The following CHL1 variants were observed in gnomAD, a reference collection of about 807,000 sequenced individuals.
The protein encoded by CHL1 is cell adhesion molecule L1 like, also known as neural cell adhesion molecule L1-like protein.
A neutral mutation model predicts 141.9 loss-of-function variants in CHL1; 96 were observed. The ratio of observed to expected loss-of-function variants is 0.68; its 90% CI spans 0.57 to 0.80. The LOEUF (loss-of-function observed/expected upper bound fraction) is 0.80, where lower values mean the gene tolerates loss of function less well. Among genes scored for constraint, CHL1 ranks in the 30% least tolerant of loss-of-function variants. The probability of loss-of-function intolerance (pLI) is 0.00; values close to 1 mark genes in which losing one functional copy is unlikely to be tolerated. For missense variants in CHL1, 1,820 were observed against 1,457.2 expected, an observed-to-expected ratio of 1.25 and a Z score of -4.05; for synonymous variants, 613 against 502.2, an observed-to-expected ratio of 1.22 and a Z score of -2.95.
intron 2 of CHL1, among the ~76,000 whole-genome samples, chr3:265,602 T>C (rs1695083392): frequency 6.6e-6 from 1 of 152,232 alleles, no homozygotes; most frequent in Admixed American, 6.5e-5. Context: ...AGAGAAGGGG[T>C]AGGACTGCAC....
At chr3:304,670 G>A (rs1171873364) in intron 2 of CHL1, among the ~76,000 whole-genome samples, 2 of 152,014 alleles carry the variant, frequency 1.3e-5, no homozygotes, top group Non-Finnish European at 2.9e-5. Flanking sequence ...TAACTATTTT[G>A]TTGAGTTTTT....
chr3:297,334 A>G (rs1017686334), intron 2 of CHL1, among the ~76,000 whole-genome samples: 3 of 152,184 alleles, frequency 2.0e-5, no homozygotes, highest in Non-Finnish European at 2.9e-5. Flanking sequence ...AGGGGTCAGA[A>G]AAGCGTAATT....
At chr3:297,498 G>A (rs936325671) in intron 2 of CHL1, among the ~76,000 whole-genome samples, 1 of 152,004 alleles carries the variant, frequency 6.6e-6, no homozygotes, top group African/African-American at 2.4e-5. Context: ...TCTTTCAATA[G>A]GATATGAACA....
rs1182890072 is a variant in CHL1 at position 405,618 on chromosome 3, T to C, written c.3582T>C (p.Asp1194=). The change falls in exon 28 of 28, where the codon GAT becomes GAC. Residue 1194 remains aspartate (D), a synonymous_variant. Transcript: ENST00000256509. ...GEGDHGLFSE[D]GSFIGAYAGS... The stretch of plus-strand genomic sequence containing the variant: ...GAGACCATGGTCTCTTCAGTGAAGA[T>C]GGATCATTTATTGGTGCCTACGCTG... 4 of 1,613,554 alleles carry C rather than the reference T, an allele frequency of 2.5e-6. No individual in the cohort carries two copies. The highest frequency in any genetic ancestry group is 3.4e-6 in the Non-Finnish European group (4 of 1,179,578).
chr3:242,176 T>A (rs900673826), intron 1 of CHL1, among the ~76,000 whole-genome samples: 2 of 152,136 alleles, frequency 1.3e-5, no homozygotes, highest in Admixed American at 6.5e-5. Context: ...AGTACATGTG[T>A]GTGTATGTAT....
At chr3:333,133 A>ATTTTTTTTTTTTTTTTTTTTTTT (rs58730049) in intron 5 of CHL1, among the ~76,000 whole-genome samples, 4 of 99,480 alleles carry the variant, frequency 4.0e-5, no homozygotes, top group East Asian at 4.0e-4. Context: ...TATTTTTTTT[A>ATTTTTTTTTTTTTTTTTTTTTTT]TTTTTTTTTT....
chr3:278,147 G>A (rs938219019), intron 2 of CHL1, among the ~76,000 whole-genome samples: 1 of 152,124 alleles, frequency 6.6e-6, no homozygotes, highest in Non-Finnish European at 1.5e-5. Flanking sequence ...TTCTTCATCC[G>A]CTCTATAGAA....
At chr3:242,422 C>G (rs921995818) in intron 1 of CHL1, among the ~76,000 whole-genome samples, 3 of 137,392 alleles carry the variant, frequency 2.2e-5, no homozygotes, top group Admixed American at 7.5e-5. Flanking sequence ...CGGTGAAACC[C>G]CGTCTCTACT....
At position 216,146 on chromosome 3, in the gene CHL1, G is replaced by A. The variant is rs534017679; in HGVS notation, c.-175+19083G>A. On this transcript the variant is annotated intron_variant, in intron 1 of 27. Coordinates refer to ENST00000256509, the MANE Select transcript of CHL1 (RefSeq NM_006614.4). The stretch of plus-strand genomic sequence containing the variant: ...TAAAAAATACCACTGTATTTAAAAG[G>A]GATAAAACTAATCAGATAGTATTTT... Among the ~76,000 whole-genome samples the A allele has an allele frequency of 5.9e-5, 9 of 152,096 alleles. No individual in the cohort carries two copies. The South Asian group carries it at 1.5e-3, about 25-fold the overall frequency.
chr3:214,024 T>C (rs1700105397), intron 1 of CHL1, among the ~76,000 whole-genome samples: 1 of 152,192 alleles, frequency 6.6e-6, no homozygotes, highest in South Asian at 2.1e-4. Context: ...TGGATACCTT[T>C]ACTACAACTA....
chr3:312,966 A>G (rs1699874549), intron 2 of CHL1, among the ~76,000 whole-genome samples: 1 of 152,192 alleles, frequency 6.6e-6, no homozygotes, highest in African/African-American at 2.4e-5. Flanking sequence ...ATGTTGTTTA[A>G]TGATTTTGCA....
chr3:396,232 T>C (rs1017922660), intron 24 of CHL1, among the ~76,000 whole-genome samples: 19 of 152,190 alleles, frequency 1.2e-4, no homozygotes, highest in African/African-American at 4.6e-4. Context: ...GATTGGAAAC[T>C]TCCCAGTAAC....
chr3:290,600 T>A (rs1697597589), intron 2 of CHL1, among the ~76,000 whole-genome samples: 3 of 152,192 alleles, frequency 2.0e-5, no homozygotes, highest in Non-Finnish European at 4.4e-5. Flanking sequence ...GATGAAACTA[T>A]GTCTTCATCA....
In CHL1 at chr3:242,400, T is replaced by TC. The variant is rs1437760519; in HGVS notation, c.-174-2211dup. Among the ~76,000 whole-genome samples the TC allele has an allele frequency of 2.8e-5, 4 of 140,510 alleles. No homozygotes were observed. The Admixed American group carries it at 2.9e-4, about 10-fold the overall frequency. 92.2% of individuals were successfully genotyped at this position (140,510 alleles called of 152,430 possible). A position where few individuals can be genotyped will look rare whatever the true frequency, so the allele number is the denominator to read the frequency against. ...TCACGAGGTCAGGAGATCGAGACCA[T>TC]CCTGGCTAACACGGTGAAACCCCGT... On this transcript the variant is annotated intron_variant, in intron 1 of 27. Transcript: ENST00000256509.
At chr3:385,444 C>T (rs931346898) in intron 19 of CHL1, among the ~76,000 whole-genome samples, 1 of 152,174 alleles carries the variant, frequency 6.6e-6, no homozygotes, top group Admixed American at 6.5e-5. Context: ...TTTTTGACTG[C>T]TCCTCTCACT....
chr3:365,871 G>C, intron 14 of CHL1, 79 bp from the exon 15 acceptor site: 1 of 1,091,432 alleles, frequency 9.2e-7, no homozygotes, highest in Non-Finnish European at 1.3e-6. Context: ...TGACAATTTG[G>C]GTTACTTAAC....
At chr3:223,316 G>A (rs1320102149) in intron 1 of CHL1, among the ~76,000 whole-genome samples, 1 of 152,170 alleles carries the variant, frequency 6.6e-6, no homozygotes, top group Non-Finnish European at 1.5e-5. Flanking sequence ...TTTGCACTAT[G>A]AAGTTAATAT....
intron 11 of CHL1, among the ~76,000 whole-genome samples, chr3:356,425 T>G (rs1703721064): frequency 6.6e-6 from 1 of 152,178 alleles, no homozygotes; most frequent in Non-Finnish European, 1.5e-5. Context: ...ATGGGGTACT[T>G]TCTATGTTCC....
chr3:334,769 C>A (rs1393322318), intron 5 of CHL1, among the ~76,000 whole-genome samples: 1 of 152,042 alleles, frequency 6.6e-6, no homozygotes, highest in Non-Finnish European at 1.5e-5. Context: ...TAGTTGTGTA[C>A]TGTTAGGGAC....
Sources: gnomAD v4.1 joint callset for allele counts (sites outside exome capture counted in the v4.1 genomes callset) on GRCh38, gnomAD v4.1.1 for gene constraint, MANE v1.5 for transcripts, NCBI Gene and HGNC (gene_info 2026-07-23, HGNC 2026-07-21) for gene names.